FAM186A: variants seen among roughly 807,000 people sequenced by gnomAD.
The protein encoded by FAM186A is family with sequence similarity 186 member A, also known as protein FAM186A.
A neutral mutation model predicts 216.8 loss-of-function variants in FAM186A; 163 were observed. The ratio of observed to expected loss-of-function variants is 0.75; its 90% CI spans 0.66 to 0.86. The LOEUF is 0.86. Ranked by LOEUF, FAM186A falls within the 40% of genes least tolerant of loss-of-function variation. The pLI is 0.00. For missense variants in FAM186A, 2,184 were observed against 2,746.2 expected, an observed-to-expected ratio of 0.80 and a Z score of 4.58; for synonymous variants, 805 against 1,025.3, an observed-to-expected ratio of 0.79 and a Z score of 4.10.
chr12:50,367,922 G>T (rs1943106059), intron 1 of FAM186A, among the ~76,000 whole-genome samples: 1 of 152,182 alleles, frequency 6.6e-6, no homozygotes, highest in Admixed American at 6.5e-5. Flanking sequence ...GAGGCGGGTG[G>T]ATCACCTGAG....
At chr12:50,379,475 A>AAC (rs1565895148) in intron 1 of FAM186A, among the ~76,000 whole-genome samples, 13 of 10,498 alleles carry the variant, frequency 1.2e-3, no homozygotes, top group African/African-American at 1.4e-3. Flanking sequence ...GGGAAAAACA[A>AAC]AAACAAAAAC....
intron 4 of FAM186A, among the ~76,000 whole-genome samples, chr12:50,342,917 G>T (rs987386498): frequency 1.4e-5 from 2 of 147,876 alleles, no homozygotes. Flanking sequence ...GACTACAGGT[G>T]CACACCACCA....
chr12:50,392,937 T>A (rs943436881), intron 1 of FAM186A, among the ~76,000 whole-genome samples: 9 of 148,724 alleles, frequency 6.1e-5, no homozygotes, highest in African/African-American at 2.2e-4. Flanking sequence ...TACTTTTTTT[T>A]TTTTTTTGAG....
In FAM186A at chr12:50,362,334, G is replaced by A. The variant is rs532377630; in HGVS notation, c.412+811C>T. 4.7e-4 allele frequency among the ~76,000 whole-genome samples: 72 copies of A among 152,114 alleles called. 1 individual carries two copies. Among genetic ancestry groups the A allele is most frequent in the Non-Finnish European group, 8.4e-4 (57 of 68,006 alleles). The stretch of plus-strand genomic sequence containing the variant: ...TGACGTGTGCTATTCTAGATGCTGT[G>A]GATACAACATTAAGTAAAACAAGTT... On this transcript the variant is annotated intron_variant, in intron 2 of 7. Transcript: ENST00000327337.
rs183370054 is a variant in FAM186A at position 50,367,314 on chromosome 12, C to A, written c.193-3950G>T. The stretch of plus-strand genomic sequence containing the variant: ...CAGGCGGATCATGAGGTCAGGAGAT[C>A]GAGACCATCCTGGCTAACACTGTGA... On this transcript the variant is annotated intron_variant, in intron 1 of 7. Coordinates refer to ENST00000327337, the MANE Select transcript of FAM186A (RefSeq NM_001145475.3). Among the ~76,000 whole-genome samples, 11 of 151,710 alleles carry A rather than the reference C, an allele frequency of 7.3e-5. No individual in the cohort carries two copies. The East Asian group carries it at 2.1e-3, about 30-fold the overall frequency.
intron 1 of FAM186A, among the ~76,000 whole-genome samples, chr12:50,372,643 G>A (rs1943152467): frequency 6.6e-6 from 1 of 151,242 alleles, no homozygotes; most frequent in South Asian, 2.1e-4. Flanking sequence ...GTTCACATCT[G>A]TAATCCCAGC....
chr12:50,373,970 C>T (rs1943173177), intron 1 of FAM186A, among the ~76,000 whole-genome samples: 1 of 151,758 alleles, frequency 6.6e-6, no homozygotes, highest in Non-Finnish European at 1.5e-5. Flanking sequence ...ACTATGCAGC[C>T]ATAAAAAATG....
chr12:50,360,107 G>A (rs1943017356), intron 3 of FAM186A, among the ~76,000 whole-genome samples: 2 of 151,860 alleles, frequency 1.3e-5, no homozygotes, highest in Non-Finnish European at 2.9e-5. Flanking sequence ...AGCCAGGCGT[G>A]GTGGCAGGTG....
chr12:50,340,540 C>T (rs555632741), intron 4 of FAM186A, among the ~76,000 whole-genome samples: 19 of 151,898 alleles, frequency 1.3e-4, no homozygotes, highest in South Asian at 1.3e-3. Flanking sequence ...GGAGATCCAT[C>T]GCTAAAAAAA....
rs181070647 is a variant in FAM186A, at chr12:50,353,695, A to C, written c.3137T>G (p.Ile1046Arg). ...TAGGGAGGGGGGAGGTGTGATTGATATGGGCTCCTTTTCATCAGGAAGGTT... is the reference window on the plus strand; with the variant it reads ...TAGGGAGGGGGGAGGTGTGATTGATCTGGGCTCCTTTTCATCAGGAAGGTT... ...LENLPDEKEP[I>R]SITPPPSLQY... The change falls in exon 4 of 8, where the codon ATA becomes AGA. Residue 1046 changes from isoleucine (I) to arginine (R), a missense_variant. Physicochemically the swap from Ile to Arg is moderately conservative, Grantham distance 97. Transcript: ENST00000327337. 2.3e-5 allele frequency: 36 copies of C among 1,539,136 alleles called. No homozygotes were observed.
At chr12:50,341,135 T>C (rs1366695152) in intron 4 of FAM186A, among the ~76,000 whole-genome samples, 1 of 152,186 alleles carries the variant, frequency 6.6e-6, no homozygotes, top group Non-Finnish European at 1.5e-5. Flanking sequence ...TCATCTCTTC[T>C]CAGATATATT....
chr12:50,365,861 A>G (rs565339123), intron 1 of FAM186A: 7 of 762,916 alleles, frequency 9.2e-6, no homozygotes, highest in Admixed American at 5.1e-5. Context: ...TTGGCAAAGT[A>G]GTCCAGGTTT....
Position 50,336,643 on chromosome 12 carries a change from G to C in FAM186A, c.6504-2540C>G, listed in dbSNP as rs560868006. ...GGAAGAAGGGGATGAGGAAGTCCAG[G>C]TGGAGAAATCCCATAAACAAAGGTA... On this transcript the variant is annotated intron_variant, in intron 4 of 7. Coordinates refer to ENST00000327337, the MANE Select transcript of FAM186A (RefSeq NM_001145475.3). Among the ~76,000 whole-genome samples, 41 of 152,264 alleles carry C rather than the reference G, an allele frequency of 2.7e-4. 1 individual carries two copies. Among genetic ancestry groups the C allele is most frequent in the Admixed American group, 1.7e-3 (26 of 15,254 alleles).
At chr12:50,365,179 G>A (rs1592620597) in intron 1 of FAM186A, among the ~76,000 whole-genome samples, 1 of 151,656 alleles carries the variant, frequency 6.6e-6, no homozygotes, top group African/African-American at 2.4e-5. Flanking sequence ...CACCATTCTG[G>A]AACACCACAA....
At chr12:50,327,700 C>T (rs762627783) in intron 7 of FAM186A, among the ~76,000 whole-genome samples, 4 of 152,050 alleles carry the variant, frequency 2.6e-5, no homozygotes, top group Admixed American at 2.6e-4. Context: ...CACCACCACA[C>T]CTGGCTGTTT....
chr12:50,378,558 GTATA>G lies in FAM186A; in HGVS notation c.193-15198_193-15195del, dbSNP rs144897665. 3.5e-4 allele frequency among the ~76,000 whole-genome samples: 5 copies of G among 14,378 alleles called. No individual in the cohort carries two copies. The Non-Finnish European group carries it at 3.8e-3, about 11-fold the overall frequency. 9.4% of individuals were successfully genotyped at this position (14,378 alleles called of 152,430 possible). A position where few individuals can be genotyped will look rare whatever the true frequency, so the allele number is the denominator to read the frequency against. ...ATATATATATACATATATGTAAATT[GTATA>G]TATATATATATACACATATGTAAAT... On this transcript the variant is annotated intron_variant, in intron 1 of 7. Coordinates refer to ENST00000327337, the MANE Select transcript of FAM186A (RefSeq NM_001145475.3).
chr12:50,329,108 A>G (rs1490027416), intron 7 of FAM186A, among the ~76,000 whole-genome samples: 1 of 152,170 alleles, frequency 6.6e-6, no homozygotes, highest in African/African-American at 2.4e-5. Flanking sequence ...CGACAGAGGA[A>G]GACTCCGTCT....
At chr12:50,373,147 C>A in intron 1 of FAM186A, among the ~76,000 whole-genome samples, 1 of 151,448 alleles carries the variant, frequency 6.6e-6, no homozygotes, top group Non-Finnish European at 1.5e-5. Flanking sequence ...ACCTGTAATC[C>A]CAGCAGTTTA....
At chr12:50,346,375 GCACACACCAC>G (rs1169950681) in intron 4 of FAM186A, among the ~76,000 whole-genome samples, 1 of 151,894 alleles carries the variant, frequency 6.6e-6, no homozygotes, top group African/African-American at 2.4e-5. Context: ...GGGATTACAG[GCACACACCAC>G]CATGCCCAGC....
Sources: allele counts gnomAD v4.1 joint callset (sites outside exome capture counted in the v4.1 genomes callset), GRCh38; gene constraint gnomAD v4.1.1; transcripts MANE v1.5; gene names NCBI Gene and HGNC (gene_info 2026-07-23, HGNC 2026-07-21).